COLEC12: variants seen among roughly 807,000 people sequenced by gnomAD.
COLEC12 encodes the protein collectin-12.
Under a neutral mutation model 71.1 loss-of-function variants are expected in COLEC12, and 33 were observed. The ratio of observed to expected loss-of-function variants is 0.46; its 90% CI spans 0.35 to 0.62. The LOEUF (loss-of-function observed/expected upper bound fraction) is 0.62. COLEC12 is among the 20% of genes least tolerant of loss of function. The pLI is 0.00. For missense variants in COLEC12, 765 were observed against 916.1 expected, an observed-to-expected ratio of 0.84 and a Z score of 2.13; for synonymous variants, 350 against 353.0, an observed-to-expected ratio of 0.99 and a Z score of 0.10.
At chr18:492,596 C>T (rs1211887155) in intron 1 of COLEC12, among the ~76,000 whole-genome samples, 10 of 151,930 alleles carry the variant, frequency 6.6e-5, no homozygotes. Flanking sequence ...AGAATGAGGC[C>T]TTGAATCTCT....
rs1379394454 is a variant in COLEC12, at chr18:488,751, T to C, written c.8-7994A>G. 4.6e-5 allele frequency among the ~76,000 whole-genome samples: 7 copies of C among 151,870 alleles called. No homozygotes were observed. The South Asian group carries it at 1.5e-3, about 32-fold the overall frequency. On this transcript the variant is annotated intron_variant, in intron 1 of 9. Coordinates refer to ENST00000400256, the MANE Select transcript of COLEC12 (RefSeq NM_130386.3). The stretch of plus-strand genomic sequence containing the variant: ...CGCTGGGCGTGCTGGTGTGCACCTG[T>C]AATACCAGCTACTCGGGAGGCTGAG...
intron 2 of COLEC12, among the ~76,000 whole-genome samples, chr18:422,218 G>T (rs1313830567): frequency 6.6e-6 from 1 of 152,206 alleles, no homozygotes; most frequent in African/African-American, 2.4e-5. Context: ...TGCCAGACAG[G>T]TATCTAACTT....
intron 2 of COLEC12, among the ~76,000 whole-genome samples, chr18:469,838 G>A (rs1478349306): frequency 2.0e-5 from 3 of 151,440 alleles, no homozygotes; most frequent in South Asian, 2.1e-4. Context: ...CTGCCAGCAT[G>A]GACATCTTTA....
intron 2 of COLEC12, among the ~76,000 whole-genome samples, chr18:377,982 C>T (rs1227279057): frequency 6.6e-6 from 1 of 152,122 alleles, no homozygotes; most frequent in African/African-American, 2.4e-5. Flanking sequence ...ATCCCAAATA[C>T]CAACTCAACC....
chr18:477,859 T>C (rs1598377832), intron 2 of COLEC12, among the ~76,000 whole-genome samples: 1 of 152,070 alleles, frequency 6.6e-6, no homozygotes, highest in Non-Finnish European at 1.5e-5. Flanking sequence ...ACCTAGAGGG[T>C]TGACATGTCT....
intron 2 of COLEC12, among the ~76,000 whole-genome samples, chr18:459,497 C>T (rs967187933): frequency 2.6e-5 from 4 of 152,194 alleles, no homozygotes; most frequent in Non-Finnish European, 5.9e-5. Flanking sequence ...GACAGCTTTC[C>T]TCATTGGGAC....
chr18:347,571 C>A (rs544046200), intron 4 of COLEC12, among the ~76,000 whole-genome samples: 1 of 152,192 alleles, frequency 6.6e-6, no homozygotes, highest in East Asian at 1.9e-4. Context: ...GAACATTTTT[C>A]TCAAAGAGGG....
chr18:353,153 T>C (rs1466391321), intron 3 of COLEC12, among the ~76,000 whole-genome samples: 2 of 152,226 alleles, frequency 1.3e-5, no homozygotes, highest in Non-Finnish European at 2.9e-5. Context: ...CCACTTCTCC[T>C]TGAAGGTCCG....
intron 2 of COLEC12, among the ~76,000 whole-genome samples, chr18:368,351 T>C (rs1333187152): frequency 2.0e-5 from 3 of 152,166 alleles, no homozygotes; most frequent in African/African-American, 4.8e-5. Flanking sequence ...GGTGGGTGGA[T>C]CACTTGAGGT....
intron 2 of COLEC12, among the ~76,000 whole-genome samples, chr18:368,654 G>A (rs9960700): frequency 0.03 from 4,567 of 152,108 alleles, 216 homozygotes; most frequent in African/African-American, 0.1. Flanking sequence ...CATGAGGTCA[G>A]GAGATCGAGA....
chr18:374,096 G>C (rs1278159084), intron 2 of COLEC12, among the ~76,000 whole-genome samples: 2 of 152,160 alleles, frequency 1.3e-5, no homozygotes, highest in African/African-American at 4.8e-5. Flanking sequence ...TTCAAAGGCA[G>C]CGAGCGGCAT....
intron 2 of COLEC12, among the ~76,000 whole-genome samples, chr18:377,730 A>T (rs1282759088): frequency 6.6e-6 from 1 of 152,128 alleles, no homozygotes; most frequent in Non-Finnish European, 1.5e-5. Context: ...TCCTTTGTCT[A>T]TTCAGAGCCT....
intron 2 of COLEC12, among the ~76,000 whole-genome samples, chr18:367,726 G>A (rs1046948297): frequency 3.3e-5 from 5 of 152,194 alleles, no homozygotes; most frequent in African/African-American, 7.2e-5. Context: ...GGCCCACGAC[G>A]CCTGTGAGGG....
intron 1 of COLEC12, among the ~76,000 whole-genome samples, chr18:482,476 C>A (rs1317977193): frequency 1.3e-5 from 2 of 152,110 alleles, no homozygotes; most frequent in African/African-American, 2.4e-5. Context: ...CCCTGTCTGA[C>A]TGGGTCCATT....
intron 2 of COLEC12, among the ~76,000 whole-genome samples, chr18:425,297 G>A (rs183660028): frequency 4.3e-4 from 65 of 152,236 alleles, no homozygotes; most frequent in Middle Eastern, 3.4e-3. Flanking sequence ...TCCTACACAC[G>A]GGGTCATGCC....
intron 2 of COLEC12, among the ~76,000 whole-genome samples, chr18:413,679 T>C (rs1005748264): frequency 6.6e-6 from 1 of 152,178 alleles, no homozygotes; most frequent in African/African-American, 2.4e-5. Flanking sequence ...TAAAAAAGCA[T>C]CTGTACGTGA....
In COLEC12 at chr18:480,693, T is replaced by C; in HGVS notation, c.58+14A>G. 1 of 1,612,900 alleles carries C rather than the reference T, an allele frequency of 6.2e-7. No homozygotes were observed. The highest frequency in any genetic ancestry group is 8.5e-7 in the Non-Finnish European group (1 of 1,178,948). ...TTGACCACTGAGAAGGAACACAGCT[T>C]TGTTAGGACTCACCAAACCGCTTGT... On this transcript the variant is annotated intron_variant, in intron 2 of 9. Coordinates refer to ENST00000400256, the MANE Select transcript of COLEC12 (RefSeq NM_130386.3). This position sits in a 1 kb window ranked among gnomAD's most constrained non-coding sequence, Gnocchi z 4.1.
chr18:452,672 A>G (rs1169286571), intron 2 of COLEC12, among the ~76,000 whole-genome samples: 1 of 152,244 alleles, frequency 6.6e-6, no homozygotes, highest in Admixed American at 6.5e-5. Flanking sequence ...CAACAAAACC[A>G]TAACTCTTTC....
rs1448163613 is a variant in COLEC12, at chr18:319,288, C to T, written c.*757G>A. 7.1e-6 allele frequency: 1 copy of T among 140,426 alleles called. No homozygotes were observed. Among genetic ancestry groups the T allele is most frequent in the African/African-American group, 2.7e-5 (1 of 37,214 alleles). 8.7% of individuals were successfully genotyped at this position (140,426 alleles called of 1,614,324 possible). A position where few individuals can be genotyped will look rare whatever the true frequency, so the allele number is the denominator to read the frequency against. The stretch of plus-strand genomic sequence containing the variant: ...TCTGCAAGGATATTTCTAGACATTC[C>T]AAGTGATTGGTTCCTCTGAGGAAAT... On this transcript the variant is annotated 3_prime_UTR_variant, in exon 10 of 10. Coordinates refer to ENST00000400256, the MANE Select transcript of COLEC12 (RefSeq NM_130386.3).
Sources: allele counts gnomAD v4.1 joint callset (sites outside exome capture counted in the v4.1 genomes callset), GRCh38; gene constraint gnomAD v4.1.1; non-coding constraint Gnocchi (gnomAD v3.1); transcripts MANE v1.5; gene names NCBI Gene and HGNC (gene_info 2026-07-23, HGNC 2026-07-21).